PAX1: variants seen among roughly 807,000 people sequenced by gnomAD.
PAX1 encodes the protein paired box protein Pax-1.
PAX1 carries 18 observed loss-of-function variants against 35.6 expected under a neutral mutation model. The observed-to-expected ratio is 0.50, with a 90% CI of 0.35 to 0.75. The LOEUF is 0.75. PAX1 is among the 30% of genes least tolerant of loss of function. The pLI is 0.01. For missense variants in PAX1, 760 were observed against 661.5 expected (o/e 1.15, Z -1.63); for synonymous variants, 397 against 305.2 (o/e 1.30, Z -3.14).
In PAX1 at chr20:21,714,589, G is replaced by A. The variant is rs754018663; in HGVS notation, c.*27G>A. 2.5e-6 allele frequency: 4 copies of A among 1,576,050 alleles called. No homozygotes were observed. The highest frequency in any genetic ancestry group is 3.4e-6 in the Non-Finnish European group (4 of 1,161,808). ...GGCAGCTCTCCCCGGACCCGAGCCC[G>A]GAGGGAACGGCAGGCGGACCCGGGC... On this transcript the variant is annotated 3_prime_UTR_variant, in exon 5 of 5. Coordinates refer to ENST00000613128, the MANE Select transcript of PAX1 (RefSeq NM_001257096.2).
In PAX1 at chr20:21,709,462, T is replaced by G. The variant is rs1272994969; in HGVS notation, c.1282+18T>G. ...CCGAGAAGGTGAGGAGCGCAGGGAG[T>G]GGGGCGGGTGGATGCTGGAAGGGTT... On this transcript the variant is annotated intron_variant, in intron 4 of 4. Coordinates refer to ENST00000613128, the MANE Select transcript of PAX1 (RefSeq NM_001257096.2). 3.4e-6 allele frequency: 5 copies of G among 1,491,604 alleles called. No homozygotes were observed. Among genetic ancestry groups the G allele is most frequent in the African/African-American group, 1.4e-5 (1 of 70,678 alleles). 92.4% of individuals were successfully genotyped at this position (1,491,604 alleles called of 1,614,324 possible).
At chr20:21,707,146 C>A (rs1600325724) in intron 2 of PAX1, 79 bp downstream of exon 2, 10 of 1,544,782 alleles carry the variant, frequency 6.5e-6, no homozygotes, top group Non-Finnish European at 8.0e-6. Context: ...AGGACTCACA[C>A]TCGCTCTCCT....
In PAX1 at chr20:21,706,817, C is replaced by T. The variant is rs1408149626; in HGVS notation, c.666C>T (p.Arg222=). Reference sequence around the variant, plus strand: ...TGAGCTCCATCAGCCGCATCCTGCGCAACAAGATCGGCAGCCTGGCGCAGC... The same window carrying T: ...TGAGCTCCATCAGCCGCATCCTGCGTAACAAGATCGGCAGCCTGGCGCAGC... ...PSVSSISRIL[R]NKIGSLAQPG... The change falls in exon 2 of 5, where the codon CGC becomes CGT. Residue 222 remains arginine, a synonymous_variant. Transcript: ENST00000613128. This position sits in a 1 kb window ranked among gnomAD's most constrained non-coding sequence, Gnocchi z 5.3. 4 of 1,613,648 alleles carry T rather than the reference C, an allele frequency of 2.5e-6. No homozygotes were observed. The highest frequency in any genetic ancestry group is 1.6e-4 in the Middle Eastern group (1 of 6,062).
Position 21,714,577 on chromosome 20 carries a change from G to C in PAX1, c.*15G>C. The C allele has an allele frequency of 6.3e-7, 1 of 1,580,846 alleles. No individual in the cohort carries two copies. On this transcript the variant is annotated 3_prime_UTR_variant, in exon 5 of 5. Coordinates refer to ENST00000613128, the MANE Select transcript of PAX1 (RefSeq NM_001257096.2). ...CGACCTCCTAGGGGCAGCTCTCCCC[G>C]GACCCGAGCCCGGAGGGAACGGCAG...
chr20:21,712,473 CAT>C (rs1271054620), intron 4 of PAX1, among the ~76,000 whole-genome samples: 2 of 152,140 alleles, frequency 1.3e-5, no homozygotes, highest in Admixed American at 6.5e-5. Context: ...AGGGCACGAC[CAT>C]CTCCCCTTCC....
At position 21,718,062 on chromosome 20, in the gene PAX1, C is replaced by G. The variant is rs1985432213; in HGVS notation, c.*3500C>G. 1 of 152,210 alleles carries G rather than the reference C, an allele frequency of 6.6e-6. No homozygotes were observed. The highest frequency in any genetic ancestry group is 2.4e-5 in the African/African-American group (1 of 41,452). 9.4% of individuals were successfully genotyped at this position (152,210 alleles called of 1,614,324 possible). On this transcript the variant is annotated 3_prime_UTR_variant, in exon 5 of 5. Transcript: ENST00000613128. ...TCAGCTCCAATGTACCCACTTTATT[C>G]TCGTGAATGGATGTCTATTACCGAG...
intron 3 of PAX1, 66 bp from the exon 4 acceptor site, chr20:21,709,156 C>T: frequency 2.5e-6 from 3 of 1,222,406 alleles, no homozygotes; most frequent in Non-Finnish European, 3.6e-6. Context: ...ACCCCCGTCT[C>T]AGTGATGGCG....
rs148962970 is a variant in PAX1, at chr20:21,717,391, C to A, written c.*2829C>A. 6.6e-6 allele frequency: 1 copy of A among 152,286 alleles called. No individual in the cohort carries two copies. The highest frequency in any genetic ancestry group is 2.1e-4 in the South Asian group (1 of 4,832). The allele number at this position is 152,286 out of a possible 1,614,324, so 9.4% of individuals were successfully genotyped here. On this transcript the variant is annotated 3_prime_UTR_variant, in exon 5 of 5. Coordinates refer to ENST00000613128, the MANE Select transcript of PAX1 (RefSeq NM_001257096.2). ...AAATGTAGCCTTCAATGCAGTAACG[C>A]GCACGGTGACCTGGCCTGTAGGAAG...
chr20:21,706,210 C>A lies in PAX1; in HGVS notation c.286+212C>A. ...AGACGCGCTAAAAGTCGCGAAAGGG[C>A]ACGGAGGGCTACAATGCGCCGCGCT... On this transcript the variant is annotated intron_variant, in intron 1 of 4. Transcript: ENST00000613128. This position sits in a 1 kb window ranked among gnomAD's most constrained non-coding sequence, Gnocchi z 5.3. 1.3e-6 allele frequency: 1 copy of A among 774,122 alleles called. No individual in the cohort carries two copies. Among genetic ancestry groups the A allele is most frequent in the Non-Finnish European group, 2.2e-6 (1 of 450,784 alleles). 48.0% of individuals were successfully genotyped at this position (774,122 alleles called of 1,614,324 possible).
Position 21,706,999 on chromosome 20 carries a change from C to A in PAX1, c.848C>A (p.Pro283Gln), listed in dbSNP as rs776117377. The change falls in exon 2 of 5, where the codon CCG becomes CAG. Residue 283 changes from proline (P) to glutamine (Q), a missense_variant. By Grantham distance (76) the Pro-to-Gln change is moderately conservative. Coordinates refer to ENST00000613128, the MANE Select transcript of PAX1 (RefSeq NM_001257096.2). The surrounding 1 kb of genome is among the most constrained non-coding windows in gnomAD (Gnocchi z 5.3). ...GGCACGGCGGGCCACGTCAGCATCC[C>A]GCGCTCATGGCCCTCGGCACACTCG... is the stretch of plus-strand genomic sequence containing the variant. ...VPGTAGHVSIPRSWPSAHSVS... is the reference protein window; with the variant it reads ...VPGTAGHVSIQRSWPSAHSVS... The A allele has an allele frequency of 1.9e-6, 3 of 1,613,022 alleles. No individual in the cohort carries two copies. The highest frequency in any genetic ancestry group is 2.5e-6 in the Non-Finnish European group (3 of 1,179,990).
rs1478949170 is a variant in PAX1, at chr20:21,716,808, G to C, written c.*2246G>C. The C allele has an allele frequency of 6.6e-6, 1 of 152,262 alleles. No homozygotes were observed. Among genetic ancestry groups the C allele is most frequent in the Non-Finnish European group, 1.5e-5 (1 of 68,070 alleles). The allele number at this position is 152,262 out of a possible 1,614,324, so 9.4% of individuals were successfully genotyped here. On this transcript the variant is annotated 3_prime_UTR_variant, in exon 5 of 5. Transcript: ENST00000613128. ...CTCTCAGCCTGTCTCCTTGTGCTTA[G>C]ATGAGCATTGCATGCTCAGTGGTGA...
chr20:21,713,384 G>T (rs112431044), intron 4 of PAX1, among the ~76,000 whole-genome samples: 15,995 of 136,590 alleles, frequency 0.12, 1,020 homozygotes, highest in Admixed American at 0.15. Context: ...TTTTTTTTTT[G>T]TGTGTGTGTG....
In PAX1 at chr20:21,715,613, C is replaced by T. The variant is rs576954807; in HGVS notation, c.*1051C>T. On this transcript the variant is annotated 3_prime_UTR_variant, in exon 5 of 5. Coordinates refer to ENST00000613128, the MANE Select transcript of PAX1 (RefSeq NM_001257096.2). ...AGGTGTCTCCTCCCACCCCTCCACT[C>T]GCAACACTTGCTAGGGAATCCGACC... The T allele has an allele frequency of 6.6e-6, 1 of 152,290 alleles. No homozygotes were observed. The allele number at this position is 152,290 out of a possible 1,614,324, so 9.4% of individuals were successfully genotyped here. A position where few individuals can be genotyped will look rare whatever the true frequency, so the allele number is the denominator to read the frequency against.
Position 21,706,503 on chromosome 20 carries a change from G to T in PAX1, c.352G>T (p.Ala118Ser). The stretch of plus-strand genomic sequence containing the variant: ...CGTCAACGGCCGCCCCCTGCCCAAC[G>T]CCATCCGCTTGCGCATTGTGGAGCT... Reference protein sequence around the residue: ...VFVNGRPLPNAIRLRIVELAQ... With the variant: ...VFVNGRPLPNSIRLRIVELAQ... The change falls in exon 2 of 5, where the codon GCC (alanine) becomes TCC (serine). Residue 118 changes from alanine to serine, a missense_variant. Ala to Ser is a moderately conservative substitution (Grantham distance 99, BLOSUM62 1). This residue lies in a region of PAX1 where 48 missense variants were observed against 80.0 expected (regional missense o/e 0.60). Transcript: ENST00000613128. This position sits in a 1 kb window ranked among gnomAD's most constrained non-coding sequence, Gnocchi z 5.3. The T allele has an allele frequency of 6.2e-7, 1 of 1,612,126 alleles. No individual in the cohort carries two copies. Among genetic ancestry groups the T allele is most frequent in the Non-Finnish European group, 8.5e-7 (1 of 1,179,766 alleles).
At chr20:21,708,372 C>A in intron 2 of PAX1, 186 bp from the exon 3 acceptor site, 1 of 771,522 alleles carries the variant, frequency 1.3e-6, no homozygotes. Context: ...GCCTGGCTGC[C>A]TTTCCTCCGC....
intron 2 of PAX1, among the ~76,000 whole-genome samples, chr20:21,707,760 C>T (rs1421435194): frequency 6.6e-6 from 1 of 152,146 alleles, no homozygotes; most frequent in Non-Finnish European, 1.5e-5. Flanking sequence ...TCCCCAGCTG[C>T]CAGCAGCTGG....
rs1175311411 is a variant in PAX1, at chr20:21,714,515, G to A, written c.1327G>A (p.Ala443Thr). The A allele has an allele frequency of 1.9e-6, 3 of 1,595,016 alleles. No individual in the cohort carries two copies. The highest frequency in any genetic ancestry group is 1.3e-5 in the African/African-American group (1 of 74,542). Residue 443 changes from alanine (A) to threonine (T), a missense_variant, in exon 5 of 5, where the codon GCC becomes ACC. By Grantham distance (58) the Ala-to-Thr change is moderately conservative. Around this residue, in one of 3 missense-constraint regions of PAX1, gnomAD observed 490 missense variants for 428.4 expected, o/e 1.14. Transcript: ENST00000613128. ...PPSSGSKAPD[A>T]LSSLHGLPIP... ...CAGCTCCGGCAGCAAGGCCCCGGAC[G>A]CCCTCAGTAGCTTACACGGACTGCC...
rs751709620 is a variant in PAX1, at chr20:21,706,332, T to C, written c.287-106T>C. ...CTGTCTGGGGACCCACAGGTCACCT[T>C]TGGAAGTGCGCCTGGGTGCAGTCCC... On this transcript the variant is annotated intron_variant, in intron 1 of 4. Transcript: ENST00000613128. The surrounding 1 kb of genome is among the most constrained non-coding windows in gnomAD (Gnocchi z 5.3). 2.7e-6 allele frequency: 4 copies of C among 1,458,342 alleles called. No individual in the cohort carries two copies. 90.3% of individuals were successfully genotyped at this position (1,458,342 alleles called of 1,614,324 possible).
chr20:21,714,488 C>T lies in PAX1; in HGVS notation c.1300C>T (p.Pro434Ser), dbSNP rs941748827. 1 of 1,585,852 alleles carries T rather than the reference C, an allele frequency of 6.3e-7. No homozygotes were observed. The highest frequency in any genetic ancestry group is 2.3e-5 in the East Asian group (1 of 43,228). The change falls in exon 5 of 5, where the codon CCC (proline) becomes TCC (serine). Residue 434 changes from proline (P) to serine (S), a missense_variant. Pro to Ser is a moderately conservative substitution (Grantham distance 74, BLOSUM62 -1). Transcript: ENST00000613128. The part of the protein sequence containing the change: ...PSREVADRKP[P>S]SSGSKAPDAL... ...TCCCGCAGTGGCTGACAGGAAGCCTCCCAGCTCCGGCAGCAAGGCCCCGGA... is the reference window on the plus strand; with the variant it reads ...TCCCGCAGTGGCTGACAGGAAGCCTTCCAGCTCCGGCAGCAAGGCCCCGGA...
Sources: gnomAD v4.1 joint callset for allele counts (sites outside exome capture counted in the v4.1 genomes callset) on GRCh38, gnomAD v4.1.1 for gene constraint, gnomAD v4.1.1 regional missense constraint, Gnocchi (gnomAD v3.1) non-coding constraint, MANE v1.5 for transcripts, NCBI Gene and HGNC (gene_info 2026-07-23, HGNC 2026-07-21) for gene names.